Variants in ZWILCH observed in about 807,000 individuals in gnomAD.
ZWILCH encodes the protein zwilch kinetochore protein.
Under a neutral mutation model 79.9 loss-of-function variants are expected in ZWILCH, and 74 were observed. The ratio of observed to expected loss-of-function variants is 0.93; its 90% CI spans 0.77 to 1.12. The LOEUF (loss-of-function observed/expected upper bound fraction) is 1.12, where lower values mean the gene tolerates loss of function less well. Among genes scored for constraint, ZWILCH ranks in the 50% most tolerant of loss-of-function variants. ZWILCH has a pLI of 0.00. For missense variants in ZWILCH, 694 were observed against 687.5 expected (o/e 1.01, Z -0.11); for synonymous variants, 241 against 228.2 (o/e 1.06, Z -0.51).
chr15:66,521,763 C>T (rs771715974), intron 7 of ZWILCH, among the ~76,000 whole-genome samples: 1 of 152,074 alleles, frequency 6.6e-6, no homozygotes, highest in Non-Finnish European at 1.5e-5. Context: ...CAAAGTGGCT[C>T]ACGCCGGGAT....
chr15:66,529,969 C>G (rs917941500), intron 12 of ZWILCH, among the ~76,000 whole-genome samples: 1 of 152,180 alleles, frequency 6.6e-6, no homozygotes, highest in African/African-American at 2.4e-5. Context: ...TTGAGATCCT[C>G]ACAATGTGTC....
intron 4 of ZWILCH, 104 bp from the exon 5 acceptor site, chr15:66,518,775 C>A: frequency 9.4e-7 from 1 of 1,068,688 alleles, no homozygotes; most frequent in Non-Finnish European, 1.4e-6. Context: ...CGCACCACTG[C>A]ATTCCAGCCT....
intron 2 of ZWILCH, among the ~76,000 whole-genome samples, chr15:66,509,575 G>A (rs116841544): frequency 0.032 from 4,907 of 152,028 alleles, 121 homozygotes; most frequent in Middle Eastern, 0.051. Context: ...CCAGTTGAAG[G>A]ACATTGGGTT....
chr15:66,506,531 T>C (rs148615708), intron 1 of ZWILCH, among the ~76,000 whole-genome samples: 13,861 of 152,154 alleles, frequency 0.091, 2,091 homozygotes, highest in African/African-American at 0.32. Flanking sequence ...TAGCCGGGCA[T>C]GGTGGCGGGC....
At chr15:66,515,917 C>T (rs1894236437) in intron 4 of ZWILCH, among the ~76,000 whole-genome samples, 1 of 152,160 alleles carries the variant, frequency 6.6e-6, no homozygotes, top group Non-Finnish European at 1.5e-5. Context: ...TAATCTGGTT[C>T]CCCTCCAGTC....
intron 2 of ZWILCH, among the ~76,000 whole-genome samples, chr15:66,510,071 A>G (rs764963054): frequency 2.7e-5 from 4 of 150,026 alleles, no homozygotes; most frequent in South Asian, 2.1e-4. Flanking sequence ...CCAGCTACTC[A>G]GGAGGCTGAG....
In ZWILCH at chr15:66,521,087, A is replaced by T. The variant is rs1894476033; in HGVS notation, c.629A>T (p.Lys210Met). 1 of 1,614,052 alleles carries T rather than the reference A, an allele frequency of 6.2e-7. No homozygotes were observed. The change falls in exon 7 of 19, where the codon AAG becomes ATG. Residue 210 changes from lysine to methionine, a missense_variant. Physicochemically the swap from Lys to Met is moderately conservative, Grantham distance 95. Coordinates refer to ENST00000307897, the MANE Select transcript of ZWILCH (RefSeq NM_017975.5). ...SKGFAQYELFKSSALDDTITA... is the reference protein window; with the variant it reads ...SKGFAQYELFMSSALDDTITA... ...GGCTTTGCCCAGTATGAGCTCTTTA[A>T]GTCCTCTGCCTTGGATGATACAATC... is the stretch of plus-strand genomic sequence containing the variant.
intron 12 of ZWILCH, among the ~76,000 whole-genome samples, chr15:66,531,517 G>T (rs1353470067): frequency 6.6e-6 from 1 of 152,032 alleles, no homozygotes; most frequent in African/African-American, 2.4e-5. Flanking sequence ...CTGGAGTGCA[G>T]TGCTGTGATC....
In ZWILCH at chr15:66,527,343, A is replaced by T; in HGVS notation, c.873A>T (p.Glu291Asp). Reference protein sequence around the residue: ...TGVTEWLEPLEAKSAVELVQE... With the variant: ...TGVTEWLEPLDAKSAVELVQE... ...TCACTGAATGGCTCGAGCCCCTGGA[A>T]GCAAAATCTGCTGTTGAACTTGTTC... Residue 291 changes from glutamate to aspartate, a missense_variant, in exon 9 of 19, where the codon GAA (glutamate) becomes GAT (aspartate). Transcript: ENST00000307897. 6.2e-7 allele frequency: 1 copy of T among 1,614,126 alleles called. No homozygotes were observed. Among genetic ancestry groups the T allele is most frequent in the Non-Finnish European group, 8.5e-7 (1 of 1,179,990 alleles).
intron 2 of ZWILCH, among the ~76,000 whole-genome samples, chr15:66,511,773 G>A (rs919385180): frequency 6.6e-6 from 1 of 151,814 alleles, no homozygotes; most frequent in African/African-American, 2.4e-5. Flanking sequence ...CCACCACCAC[G>A]CCCTGTTAAT....
chr15:66,513,975 C>T lies in ZWILCH; in HGVS notation c.106-13C>T, dbSNP rs751436087. ...AGTGTATGTATAATGTTGCTCGATA[C>T]CTGTTTTAACAGGCTGATGTCCAAG... On this transcript the variant is annotated splice_polypyrimidine_tract_variant and intron_variant, in intron 2 of 18. Transcript: ENST00000307897. 26 of 1,597,730 alleles carry T rather than the reference C, an allele frequency of 1.6e-5. No homozygotes were observed. In the East Asian group the frequency reaches 4.7e-4, roughly 29 times the overall value.
intron 16 of ZWILCH, among the ~76,000 whole-genome samples, chr15:66,539,401 CAAAAAAAAAAA>C (rs536047404): frequency 3.4e-5 from 2 of 58,066 alleles, no homozygotes; most frequent in Admixed American, 2.0e-4. Flanking sequence ...AAGACCCTGT[CAAAAAAAAAAA>C]AAAAAAAAAA....
At chr15:66,531,781 C>T (rs1027841577) in intron 12 of ZWILCH, among the ~76,000 whole-genome samples, 3 of 151,986 alleles carry the variant, frequency 2.0e-5, no homozygotes, top group African/African-American at 4.8e-5. Context: ...GAAAAACTGA[C>T]GTTCTGGCCG....
At chr15:66,525,253 G>C (rs571572638) in intron 8 of ZWILCH, among the ~76,000 whole-genome samples, 12 of 152,260 alleles carry the variant, frequency 7.9e-5, no homozygotes, top group Non-Finnish European at 1.5e-4. Context: ...GCCACCCATG[G>C]TGCTGGCTGG....
chr15:66,509,019 A>T (rs1301645066), intron 2 of ZWILCH, 127 bp downstream of exon 2: 1 of 946,902 alleles, frequency 1.1e-6, no homozygotes, highest in Non-Finnish European at 1.5e-6. Flanking sequence ...GGCTCACTGC[A>T]AGCTCCGGCT....
At chr15:66,547,467 T>A (rs1895420219) in intron 18 of ZWILCH, 1 of 152,092 alleles carries the variant, frequency 6.6e-6, no homozygotes, top group South Asian at 2.1e-4. Flanking sequence ...TGCATGAGAT[T>A]GTTCTTAAGC....
At chr15:66,513,882 T>C in intron 2 of ZWILCH, 106 bp from the exon 3 acceptor site, 1 of 871,600 alleles carries the variant, frequency 1.1e-6, no homozygotes, top group Non-Finnish European at 1.7e-6. Context: ...AGACTCTGTC[T>C]CTTAAGGAAA....
chr15:66,526,232 T>C (rs763813109), intron 8 of ZWILCH, among the ~76,000 whole-genome samples: 2 of 152,230 alleles, frequency 1.3e-5, no homozygotes, highest in African/African-American at 4.8e-5. Flanking sequence ...CATTGGCTGT[T>C]TTCTGCCATA....
At chr15:66,536,672 A>C in intron 15 of ZWILCH, among the ~76,000 whole-genome samples, 1 of 150,230 alleles carries the variant, frequency 6.7e-6, no homozygotes. Flanking sequence ...CCAAAATTAC[A>C]ATTTGCCTCA....
Sources: allele counts gnomAD v4.1 joint callset (sites outside exome capture counted in the v4.1 genomes callset), GRCh38; gene constraint gnomAD v4.1.1; transcripts MANE v1.5; gene names NCBI Gene and HGNC (gene_info 2026-07-23, HGNC 2026-07-21).